SLC15A5: variants seen among roughly 807,000 people sequenced by gnomAD.
SLC15A5 encodes the protein solute carrier family 15 member 5.
A neutral mutation model predicts 56.1 loss-of-function variants in SLC15A5; 58 were observed. The observed-to-expected ratio is 1.03, with a 90% confidence interval of 0.84 to 1.29. The LOEUF is 1.29. Ranked by LOEUF, SLC15A5 falls within the 50% of genes most tolerant of loss-of-function variation. The probability of loss-of-function intolerance (pLI) is 0.00; values close to 1 mark genes in which losing one functional copy is unlikely to be tolerated. For synonymous variants in SLC15A5, 264 were observed against 250.5 expected (o/e 1.05, Z -0.51); for missense variants, 681 against 672.1 (o/e 1.01, Z -0.15).
intron 5 of SLC15A5, among the ~76,000 whole-genome samples, chr12:16,225,601 T>A (rs953409897): frequency 1.1e-4 from 16 of 151,992 alleles, no homozygotes; most frequent in Admixed American, 2.0e-4. Flanking sequence ...TTCAAACAAA[T>A]TTACAAGAAA....
chr12:16,212,304 A>G (rs541215109), intron 7 of SLC15A5, among the ~76,000 whole-genome samples: 10 of 152,284 alleles, frequency 6.6e-5, no homozygotes, highest in Non-Finnish European at 1.2e-4. Context: ...AGAAAAGTGA[A>G]GTACAATTTC....
chr12:16,256,751 C>A (rs1223868083), intron 3 of SLC15A5, among the ~76,000 whole-genome samples: 1 of 151,560 alleles, frequency 6.6e-6, no homozygotes, highest in Non-Finnish European at 1.5e-5. Flanking sequence ...CCCAGCTACT[C>A]GGGAGGCTGA....
intron 3 of SLC15A5, among the ~76,000 whole-genome samples, chr12:16,247,855 A>G (rs138957258): frequency 0.03 from 4,566 of 152,144 alleles, 81 homozygotes; most frequent in Admixed American, 0.04. Context: ...TACTAGAGAG[A>G]TCTTATGATG....
At chr12:16,249,128 G>A (rs1864495407) in intron 3 of SLC15A5, among the ~76,000 whole-genome samples, 1 of 151,932 alleles carries the variant, frequency 6.6e-6, no homozygotes, top group South Asian at 2.1e-4. Flanking sequence ...ACTCTAGATG[G>A]TAGATGCACA....
chr12:16,262,997 A>G (rs1180491342), intron 2 of SLC15A5, among the ~76,000 whole-genome samples: 1 of 152,186 alleles, frequency 6.6e-6, no homozygotes, highest in Non-Finnish European at 1.5e-5. Flanking sequence ...GCAGTGTGAA[A>G]GCAGAATAAT....
intron 3 of SLC15A5, among the ~76,000 whole-genome samples, chr12:16,256,845 A>G (rs552386788): frequency 7.6e-6 from 1 of 132,386 alleles, no homozygotes; most frequent in South Asian, 2.8e-4. Context: ...GACGACAGAG[A>G]GAGGCTCCGT....
intron 8 of SLC15A5, among the ~76,000 whole-genome samples, chr12:16,192,724 G>T (rs1293911095): frequency 1.3e-5 from 2 of 151,960 alleles, no homozygotes; most frequent in African/African-American, 4.8e-5. Context: ...GCATGACTGC[G>T]GTCATCTTGG....
At chr12:16,223,221 A>G (rs959286279) in intron 6 of SLC15A5, among the ~76,000 whole-genome samples, 2 of 152,190 alleles carry the variant, frequency 1.3e-5, no homozygotes, top group Admixed American at 1.3e-4. Context: ...CACAGATGGA[A>G]TGGTTAGAAT....
At chr12:16,219,727 CT>C (rs1480579325) in intron 6 of SLC15A5, among the ~76,000 whole-genome samples, 2 of 148,958 alleles carry the variant, frequency 1.3e-5, no homozygotes, top group East Asian at 2.0e-4. Context: ...ATGTTCTGAT[CT>C]TTTGAAACTT....
Position 16,277,560 on chromosome 12 carries a change from A to C in SLC15A5, c.126T>G (p.Val42=), listed in dbSNP as rs1864833165. The part of the protein sequence containing the change: ...CSSHSVKKIQ[V]GICLLLVELC... ...GCTCCACCAGAAGCAAGCAGATTCC[A>C]ACCTGAATTTTTTTCACAGAGTGTG... is the stretch of plus-strand genomic sequence containing the variant. Residue 42 remains valine (V), a synonymous_variant, in exon 1 of 9, where the codon GTT becomes GTG. Coordinates refer to ENST00000344941, the MANE Select transcript of SLC15A5 (RefSeq NM_001170798.1). 6.5e-7 allele frequency: 1 copy of C among 1,536,614 alleles called. No homozygotes were observed. Among genetic ancestry groups the C allele is most frequent in the Admixed American group, 2.0e-5 (1 of 50,954 alleles).
At chr12:16,234,561 A>G (rs1864328961) in intron 5 of SLC15A5, among the ~76,000 whole-genome samples, 3 of 152,206 alleles carry the variant, frequency 2.0e-5, no homozygotes, top group Admixed American at 2.0e-4. Flanking sequence ...CAGAATGTAC[A>G]CATTTTAAAC....
chr12:16,268,514 A>C (rs961439244), intron 2 of SLC15A5, among the ~76,000 whole-genome samples: 1 of 152,190 alleles, frequency 6.6e-6, no homozygotes, highest in Admixed American at 6.5e-5. Flanking sequence ...AGATTATTTC[A>C]TGAACTGCTT....
At chr12:16,245,963 T>C (rs1354651982) in intron 3 of SLC15A5, among the ~76,000 whole-genome samples, 3 of 152,150 alleles carry the variant, frequency 2.0e-5, no homozygotes, top group African/African-American at 7.2e-5. Flanking sequence ...TCTTCAAGAG[T>C]TGTAATAGAC....
At chr12:16,267,733 C>CTTTTTTT (rs1224683217) in intron 2 of SLC15A5, among the ~76,000 whole-genome samples, 2 of 27,478 alleles carry the variant, frequency 7.3e-5, no homozygotes, top group African/African-American at 3.0e-4. Flanking sequence ...CACCCCCCAC[C>CTTTTTTT]TTTTTTTTTT....
chr12:16,274,066 C>T (rs559802873), intron 1 of SLC15A5, among the ~76,000 whole-genome samples: 1 of 151,584 alleles, frequency 6.6e-6, no homozygotes, highest in Non-Finnish European at 1.5e-5. Context: ...TTATACTTTT[C>T]CAACATGATT....
At chr12:16,244,840 T>G in intron 3 of SLC15A5, 40 bp from the exon 4 acceptor site, 2 of 1,503,716 alleles carry the variant, frequency 1.3e-6, no homozygotes, top group Non-Finnish European at 1.8e-6. Context: ...GTATAGGAAT[T>G]GTTCTCCAGT....
chr12:16,207,338 CTGT>C (rs1864029888), intron 7 of SLC15A5, among the ~76,000 whole-genome samples: 1 of 152,264 alleles, frequency 6.6e-6, no homozygotes, highest in Admixed American at 6.5e-5. Flanking sequence ...TTTGTACAGT[CTGT>C]TCTTCATTTG....
chr12:16,200,990 G>A (rs1863949311), intron 7 of SLC15A5, among the ~76,000 whole-genome samples: 1 of 152,058 alleles, frequency 6.6e-6, no homozygotes, highest in Non-Finnish European at 1.5e-5. Context: ...AATCCAATCA[G>A]AATATGTAAC....
chr12:16,247,944 G>C (rs1157749800), intron 3 of SLC15A5, among the ~76,000 whole-genome samples: 2 of 152,148 alleles, frequency 1.3e-5, no homozygotes, highest in Non-Finnish European at 2.9e-5. Flanking sequence ...ACAGGCAAGA[G>C]ATAGTGGTGA....
Sources: allele counts gnomAD v4.1 joint callset (sites outside exome capture counted in the v4.1 genomes callset), GRCh38; gene constraint gnomAD v4.1.1; transcripts MANE v1.5; gene names NCBI Gene and HGNC (gene_info 2026-07-23, HGNC 2026-07-21).